TBC1D19: variants seen among roughly 807,000 people sequenced by gnomAD.
TBC1D19 encodes the protein TBC1 domain family member 19.
In TBC1D19, 60 loss-of-function variants were observed where a neutral mutation model predicts 89.0. That is an observed-to-expected ratio of 0.67 (90% CI 0.55 to 0.84). The LOEUF (loss-of-function observed/expected upper bound fraction) is 0.84, where lower values mean the gene tolerates loss of function less well. TBC1D19 is among the 40% of genes least tolerant of loss of function. TBC1D19 has a pLI of 0.00. For missense variants in TBC1D19, 500 were observed against 610.8 expected, an observed-to-expected ratio of 0.82 and a Z score of 1.91; for synonymous variants, 189 against 199.7, an observed-to-expected ratio of 0.95 and a Z score of 0.45.
chr4:26,728,546 T>C (rs1303077732), intron 15 of TBC1D19, among the ~76,000 whole-genome samples: 2 of 152,152 alleles, frequency 1.3e-5, no homozygotes, highest in African/African-American at 4.8e-5. Context: ...AAAAAGAGAC[T>C]CAACCAAAGA....
At chr4:26,814,395 T>A in the TBC1D19 span, among the ~76,000 whole-genome samples, 1 of 152,220 alleles carries the variant, frequency 6.6e-6, no homozygotes, top group Non-Finnish European at 1.5e-5. Flanking sequence ...ATATTTATTA[T>A]TCTGATTGTC....
At chr4:26,833,964 C>T in the TBC1D19 span, among the ~76,000 whole-genome samples, 22 of 152,262 alleles carry the variant, frequency 1.4e-4, no homozygotes, top group East Asian at 2.3e-3. Context: ...TGGAAATCCC[C>T]GATGTTGGAG....
chr4:26,614,176 A>G (rs1371752509), intron 2 of TBC1D19, among the ~76,000 whole-genome samples: 1 of 152,184 alleles, frequency 6.6e-6, no homozygotes, highest in Non-Finnish European at 1.5e-5. Flanking sequence ...TGCAATAATG[A>G]TATTATTTTA....
intron 13 of TBC1D19, among the ~76,000 whole-genome samples, chr4:26,689,445 T>C (rs912670570): frequency 6.6e-6 from 1 of 152,134 alleles, no homozygotes; most frequent in South Asian, 2.1e-4. Flanking sequence ...AATATACAGG[T>C]GTATCTCACT....
At chr4:26,769,091 G>C in the TBC1D19 span, among the ~76,000 whole-genome samples, 2 of 152,042 alleles carry the variant, frequency 1.3e-5, no homozygotes, top group Non-Finnish European at 2.9e-5. Context: ...AGAGGAACAA[G>C]ATTAAGGATG....
chr4:26,774,770 A>G, the TBC1D19 span, among the ~76,000 whole-genome samples: 16 of 152,192 alleles, frequency 1.1e-4, no homozygotes, highest in African/African-American at 3.4e-4. Flanking sequence ...TTCCTTTCCC[A>G]TATCAATATC....
At chr4:26,685,766 T>A (rs1274453973) in intron 12 of TBC1D19, among the ~76,000 whole-genome samples, 1 of 152,194 alleles carries the variant, frequency 6.6e-6, no homozygotes, top group Non-Finnish European at 1.5e-5. Context: ...CAAATTATTA[T>A]GCTCAGTGGA....
chr4:26,839,398 G>C, the TBC1D19 span, among the ~76,000 whole-genome samples: 2 of 152,142 alleles, frequency 1.3e-5, no homozygotes. Flanking sequence ...TAAAAGCCTA[G>C]TTAATTTCCA....
chr4:26,831,121 G>GT, the TBC1D19 span, among the ~76,000 whole-genome samples: 51,123 of 151,968 alleles, frequency 0.34, 10,033 homozygotes, highest in Non-Finnish European at 0.43. Context: ...TTTGCCTAAG[G>GT]TTTTCTCTAG....
At chr4:26,831,578 CT>C in the TBC1D19 span, among the ~76,000 whole-genome samples, 225 of 123,288 alleles carry the variant, frequency 1.8e-3, no homozygotes, top group African/African-American at 5.3e-3. Flanking sequence ...TCTTTTTCTT[CT>C]TTTTTTTTTT....
the TBC1D19 span, among the ~76,000 whole-genome samples, chr4:26,854,941 C>G: frequency 6.6e-6 from 1 of 152,196 alleles, no homozygotes; most frequent in Non-Finnish European, 1.5e-5. Context: ...GGCGAGTTTG[C>G]ATCTCCTGCA....
chr4:26,670,069 T>C (rs1237741198), intron 9 of TBC1D19, among the ~76,000 whole-genome samples: 1 of 151,698 alleles, frequency 6.6e-6, no homozygotes, highest in Non-Finnish European at 1.5e-5. Context: ...CGCCCCACTA[T>C]AGTATGCTGC....
the TBC1D19 span, among the ~76,000 whole-genome samples, chr4:26,802,019 A>G: frequency 6.6e-6 from 1 of 152,170 alleles, no homozygotes; most frequent in African/African-American, 2.4e-5. Flanking sequence ...CTTTTTGGAA[A>G]GAAATCTGGG....
the TBC1D19 span, among the ~76,000 whole-genome samples, chr4:26,807,555 G>A: frequency 0.83 from 126,707 of 152,162 alleles, 52,972 homozygotes; most frequent in South Asian, 0.89. Context: ...TGGCTCAGAG[G>A]AACCACAGAC....
chr4:26,770,894 G>A, the TBC1D19 span, among the ~76,000 whole-genome samples: 1 of 152,050 alleles, frequency 6.6e-6, no homozygotes, highest in Non-Finnish European at 1.5e-5. Flanking sequence ...CAAAAGGGAA[G>A]CTTGAAAGTA....
intron 11 of TBC1D19, among the ~76,000 whole-genome samples, chr4:26,677,515 G>T (rs971887421): frequency 5.9e-5 from 9 of 152,014 alleles, no homozygotes; most frequent in African/African-American, 1.9e-4. Context: ...TAGAGACAGG[G>T]TTACACCATG....
intron 6 of TBC1D19, 84 bp from the exon 7 acceptor site, chr4:26,640,057 C>T (rs1187233837): frequency 1.1e-6 from 1 of 934,798 alleles, no homozygotes; most frequent in African/African-American, 1.7e-5. Context: ...TGTATGATAA[C>T]ATGTGAAAGA....
the TBC1D19 span, among the ~76,000 whole-genome samples, chr4:26,835,974 GCTCTCTCTCTCT>G: frequency 2.1e-5 from 3 of 143,468 alleles, no homozygotes; most frequent in African/African-American, 2.6e-5. Flanking sequence ...CATGTGAAGT[GCTCTCTCTCTCT>G]CTCTCTCTCT....
the TBC1D19 span, among the ~76,000 whole-genome samples, chr4:26,799,869 T>C: frequency 6.6e-6 from 1 of 152,310 alleles, no homozygotes; most frequent in African/African-American, 2.4e-5. Context: ...AGGTAAACAC[T>C]AGCTTGGGGA....
Sources: allele counts gnomAD v4.1 joint callset (sites outside exome capture counted in the v4.1 genomes callset), GRCh38; gene constraint gnomAD v4.1.1; transcripts MANE v1.5; gene names NCBI Gene and HGNC (gene_info 2026-07-23, HGNC 2026-07-21).